APOBEC3H: variants seen among roughly 807,000 people sequenced by gnomAD.
APOBEC3H encodes apolipoprotein B mRNA editing enzyme catalytic subunit 3H.
In APOBEC3H, 8 loss-of-function variants were observed where a neutral mutation model predicts 21.2. That is an observed-to-expected ratio of 0.38 (90% CI 0.22 to 0.68). APOBEC3H has a LOEUF of 0.68. APOBEC3H is among the 30% of genes least tolerant of loss of function. The pLI is 0.52. For missense variants in APOBEC3H, 229 were observed against 228.1 expected (o/e 1.00, Z -0.03); for synonymous variants, 88 against 91.0 (o/e 0.97, Z 0.19).
chr22:39,103,739 T>A lies in APOBEC3H; in HGVS notation c.*42T>A. On this transcript the variant is annotated 3_prime_UTR_variant, in exon 5 of 5. Coordinates refer to ENST00000442487, the MANE Select transcript of APOBEC3H (RefSeq NM_181773.5). The stretch of plus-strand genomic sequence containing the variant: ...AGAATGACTTAAGAAGTTTGCAGCT[T>A]GGACCCGTATCCCACTCATTATCAA... 1 of 1,611,268 alleles carries A rather than the reference T, an allele frequency of 6.2e-7. No homozygotes were observed. The highest frequency in any genetic ancestry group is 8.5e-7 in the Non-Finnish European group (1 of 1,177,332).
At chr22:39,101,702 T>TG (rs1163264412) in intron 3 of APOBEC3H, among the ~76,000 whole-genome samples, 198 bp downstream of exon 3, 3 of 3,454 alleles carry the variant, frequency 8.7e-4, no homozygotes, top group African/African-American at 1.4e-3. Context: ...TGGCAGGGGG[T>TG]GGGGGGGTGG....
At position 39,100,292 on chromosome 22, in the gene APOBEC3H, C is replaced by A; in HGVS notation, c.14C>A (p.Thr5Lys). ...CACAGAAACACGATGGCTCTGTTAA[C>A]AGCCGAAACATTCCGCTTACAGTTT... MALLTAETFRLQFNN... is the reference protein window; with the variant it reads MALLKAETFRLQFNN... Residue 5 changes from threonine to lysine, a missense_variant, in exon 2 of 5, where the codon ACA becomes AAA. By Grantham distance (78) the Thr-to-Lys change is moderately conservative. Transcript: ENST00000442487. 6.2e-7 allele frequency: 1 copy of A among 1,612,848 alleles called. No individual in the cohort carries two copies. Among genetic ancestry groups the A allele is most frequent in the Non-Finnish European group, 8.5e-7 (1 of 1,179,316 alleles).
At chr22:39,098,145 C>T (rs1285024567) in intron 1 of APOBEC3H, among the ~76,000 whole-genome samples, 2 of 152,222 alleles carry the variant, frequency 1.3e-5, no homozygotes, top group Non-Finnish European at 2.9e-5. Flanking sequence ...ATGAGAATGG[C>T]CCCTGCAGGC....
At chr22:39,100,241 C>A (rs1569092776) in intron 1 of APOBEC3H, 31 bp from the exon 2 acceptor site, 2 of 1,599,196 alleles carry the variant, frequency 1.3e-6, no homozygotes, top group Admixed American at 3.4e-5. Context: ...ACGCTCCCTT[C>A]ATCTTTGGTT....
Position 39,100,420 on chromosome 22 carries a change from G to GAAAAC in APOBEC3H, c.145_149dup (p.Lys51ThrfsTer54). ...CTCCACGCCCACGAGAGGCTACTTT[G>GAAAAC]AAAACAAGGTGCCACACGGGCTCTC... On this transcript the variant is annotated frameshift_variant, in exon 2 of 5. Coordinates refer to ENST00000442487, the MANE Select transcript of APOBEC3H (RefSeq NM_181773.5). LOFTEE classifies it high-confidence loss of function. 1 of 1,613,504 alleles carries GAAAAC rather than the reference G, an allele frequency of 6.2e-7. No individual in the cohort carries two copies. Among genetic ancestry groups the GAAAAC allele is most frequent in the African/African-American group, 1.3e-5 (1 of 75,032 alleles).
At position 39,097,253 on chromosome 22, in the gene APOBEC3H, C is replaced by T. The variant is rs1164851573; in HGVS notation, c.-98C>T. ...TTTTGGGAGAGCTGACCTTTTGTGA[C>T]TTTTGGGAGAGCTGCCAAAAGTGAA... On this transcript the variant is annotated 5_prime_UTR_variant, in exon 1 of 5. Transcript: ENST00000442487. 1 of 151,932 alleles carries T rather than the reference C, an allele frequency of 6.6e-6. No individual in the cohort carries two copies. Among genetic ancestry groups the T allele is most frequent in the Non-Finnish European group, 1.5e-5 (1 of 68,078 alleles). 9.4% of individuals were successfully genotyped at this position (151,932 alleles called of 1,614,324 possible).
chr22:39,101,168 G>GCCCCCCCCCCCCCCCCCCCC, intron 2 of APOBEC3H, 69 bp from the exon 3 acceptor site: 1 of 189,352 alleles, frequency 5.3e-6, no homozygotes, highest in African/African-American at 1.1e-4. Flanking sequence ...CCCGGCCCCC[G>GCCCCCCCCCCCCCCCCCCCC]CCCCCAGTCA....
rs145141547 is a variant in APOBEC3H at position 39,101,282 on chromosome 22, A to G, written c.196A>G (p.Met66Val). 7.2e-5 allele frequency: 116 copies of G among 1,613,300 alleles called. No homozygotes were observed. In the African/African-American group the frequency reaches 1.4e-3, roughly 19 times the overall value. ...TTGCTTTATTAACGAGATCAAGTCC[A>G]TGGGACTGGACGAAACGCAGTGCTA... ...EICFINEIKS[M>V]GLDETQCYQV... is the part of the protein sequence containing the mutation. The change falls in exon 3 of 5, where the codon ATG (methionine) becomes GTG (valine). Residue 66 changes from methionine to valine, a missense_variant. Met to Val is a conservative substitution (Grantham distance 21). Coordinates refer to ENST00000442487, the MANE Select transcript of APOBEC3H (RefSeq NM_181773.5).
Position 39,100,345 on chromosome 22 carries a change from T to C in APOBEC3H, c.67T>C (p.Tyr23His), listed in dbSNP as rs1302341866. ...CAACAAGCGCCGCCTCAGAAGGCCT[T>C]ACTACCCGAGGAAGGCCCTCTTGTG... ...FNNKRRLRRP[Y>H]YPRKALLCYQ... Residue 23 changes from tyrosine to histidine, a missense_variant, in exon 2 of 5, where the codon TAC becomes CAC. By Grantham distance (83) the Tyr-to-His change is moderately conservative. Transcript: ENST00000442487. The C allele has an allele frequency of 1.9e-6, 3 of 1,614,110 alleles. No homozygotes were observed. Among genetic ancestry groups the C allele is most frequent in the East Asian group, 2.2e-5 (1 of 44,876 alleles).
At position 39,103,853 on chromosome 22, in the gene APOBEC3H, A is replaced by G; in HGVS notation, c.*156A>G. ...AGCAAGCACTAAGCTCCACAGTGCC[A>G]GTTCCTTGCCCCAACCTGGCCCCAT... is the stretch of plus-strand genomic sequence containing the variant. On this transcript the variant is annotated 3_prime_UTR_variant, in exon 5 of 5. Transcript: ENST00000442487. 6 of 946,502 alleles carry G rather than the reference A, an allele frequency of 6.3e-6. No homozygotes were observed. The East Asian group carries it at 1.2e-4, about 19-fold the overall frequency. 58.6% of individuals were successfully genotyped at this position (946,502 alleles called of 1,614,324 possible).
intron 4 of APOBEC3H, 99 bp from the exon 5 acceptor site, chr22:39,103,590 C>T: frequency 1.5e-6 from 2 of 1,345,232 alleles, no homozygotes; most frequent in Non-Finnish European, 2.1e-6. Context: ...GGTGCCAGTT[C>T]TTTTCTCTTC....
At chr22:39,102,742 C>A in intron 4 of APOBEC3H, 2 of 572,532 alleles carry the variant, frequency 3.5e-6, no homozygotes, top group Admixed American at 2.7e-5. Context: ...TGGCTCACGC[C>A]TGTAGTCCCA....
In APOBEC3H at chr22:39,101,435, A is replaced by G. The variant is rs770927058; in HGVS notation, c.349A>G (p.Lys117Glu). Residue 117 changes from lysine (K) to glutamate (E), a missense_variant, in exon 3 of 5, where the codon AAG becomes GAG. Transcript: ENST00000442487. ...FASRLYYHWC[K>E]PQQKGLRLLC... Reference sequence around the variant, plus strand: ...CTCCCGCCTGTACTACCACTGGTGCAAGCCCCAGCAGAAGGGGCTGCGGCT... The same window carrying G: ...CTCCCGCCTGTACTACCACTGGTGCGAGCCCCAGCAGAAGGGGCTGCGGCT... 8.1e-6 allele frequency: 13 copies of G among 1,611,058 alleles called. No homozygotes were observed. In the African/African-American group the frequency reaches 1.8e-4, roughly 22 times the overall value.
intron 1 of APOBEC3H, among the ~76,000 whole-genome samples, chr22:39,097,727 T>G (rs1204191706): frequency 6.6e-6 from 1 of 152,208 alleles, no homozygotes; most frequent in African/African-American, 2.4e-5. Flanking sequence ...TTCACAGTGC[T>G]TTGATGAACT....
At position 39,100,552 on chromosome 22, in the gene APOBEC3H, C is replaced by T. The variant is rs543740344; in HGVS notation, c.150+124C>T. 9.1e-5 allele frequency: 122 copies of T among 1,338,222 alleles called. 1 individual carries two copies. Among genetic ancestry groups the T allele is most frequent in the Middle Eastern group, 8.1e-4 (3 of 3,702 alleles). 82.9% of individuals were successfully genotyped at this position (1,338,222 alleles called of 1,614,324 possible). On this transcript the variant is annotated intron_variant, in intron 2 of 4. Coordinates refer to ENST00000442487, the MANE Select transcript of APOBEC3H (RefSeq NM_181773.5). ...TTTGATGTAACACCCTCTGTGTTTT[C>T]GTAACCCTTGGTGCCTGCCTGGGTT...
chr22:39,102,754 C>T, intron 4 of APOBEC3H: 1 of 561,416 alleles, frequency 1.8e-6, no homozygotes, highest in South Asian at 2.2e-5. Context: ...GTAGTCCCAG[C>T]ACTGGGAGGC....
In APOBEC3H at chr22:39,100,329, C is replaced by T. The variant is rs1196534900; in HGVS notation, c.51C>T (p.Arg17=). 3 of 1,614,050 alleles carry T rather than the reference C, an allele frequency of 1.9e-6. No homozygotes were observed. The highest frequency in any genetic ancestry group is 2.2e-5 in the East Asian group (1 of 44,878). The change falls in exon 2 of 5, where the codon CGC becomes CGT. Residue 17 remains arginine, a synonymous_variant. Coordinates refer to ENST00000442487, the MANE Select transcript of APOBEC3H (RefSeq NM_181773.5). ...ETFRLQFNNK[R]RLRRPYYPRK... ...TCCGCTTACAGTTTAACAACAAGCG[C>T]CGCCTCAGAAGGCCTTACTACCCGA...
At chr22:39,103,058 G>A (rs544303976) in intron 4 of APOBEC3H, among the ~76,000 whole-genome samples, 16 of 151,620 alleles carry the variant, frequency 1.1e-4, no homozygotes, top group Admixed American at 7.2e-4. Context: ...AGGCCAAGGC[G>A]GGTGGATCAC....
chr22:39,101,144 A>ACC, intron 2 of APOBEC3H, 93 bp from the exon 3 acceptor site: 2 of 36,658 alleles, frequency 5.5e-5, no homozygotes, highest in South Asian at 2.0e-4. Flanking sequence ...CTGCCCCCCC[A>ACC]TCCCCGCCCC....
Sources: allele counts gnomAD v4.1 joint callset (sites outside exome capture counted in the v4.1 genomes callset), GRCh38; gene constraint gnomAD v4.1.1; transcripts MANE v1.5; gene names NCBI Gene and HGNC (gene_info 2026-07-23, HGNC 2026-07-21).